Variants in CTNND2 observed in about 807,000 individuals in gnomAD.
CTNND2 encodes the protein catenin delta 2.
Under a neutral mutation model 144.4 loss-of-function variants are expected in CTNND2, and 22 were observed. The observed-to-expected ratio is 0.15, with a 90% confidence interval of 0.11 to 0.22. The LOEUF is 0.22. CTNND2 is among the 10% of genes least tolerant of loss of function. The pLI is 1.00. For synonymous variants in CTNND2, 751 were observed against 695.6 expected (o/e 1.08, Z -1.25); for missense variants, 1,353 against 1,618.8 (o/e 0.84, Z 2.82).
At chr5:11,448,351 T>G (rs1765009856) in intron 3 of CTNND2, among the ~76,000 whole-genome samples, 1 of 152,046 alleles carries the variant, frequency 6.6e-6, no homozygotes, top group South Asian at 2.1e-4. Flanking sequence ...AAAAATTCAG[T>G]AGCCAAAAAG....
intron 2 of CTNND2, among the ~76,000 whole-genome samples, chr5:11,637,055 A>G (rs1781744713): frequency 6.6e-6 from 1 of 152,244 alleles, no homozygotes; most frequent in South Asian, 2.1e-4. Flanking sequence ...CAGAATGGCA[A>G]TTATAATTTC....
At chr5:11,461,171 T>G (rs1467571829) in intron 3 of CTNND2, among the ~76,000 whole-genome samples, 1 of 152,144 alleles carries the variant, frequency 6.6e-6, no homozygotes, top group Non-Finnish European at 1.5e-5. Context: ...TGTTTTTTTT[T>G]AAACTGGTGA....
At chr5:11,123,455 G>A (rs1754345417) in intron 12 of CTNND2, among the ~76,000 whole-genome samples, 2 of 152,318 alleles carry the variant, frequency 1.3e-5, no homozygotes, top group South Asian at 4.1e-4. Context: ...AGGCAGCCAG[G>A]GCTGCTGCTA....
At chr5:11,256,937 C>G (rs1175992083) in intron 9 of CTNND2, among the ~76,000 whole-genome samples, 1 of 152,156 alleles carries the variant, frequency 6.6e-6, no homozygotes, top group East Asian at 1.9e-4. Flanking sequence ...ATGCTAATAG[C>G]ACCCTTTTCC....
intron 9 of CTNND2, among the ~76,000 whole-genome samples, chr5:11,258,568 T>A (rs1311393269): frequency 6.6e-6 from 1 of 152,232 alleles, no homozygotes; most frequent in Non-Finnish European, 1.5e-5. Flanking sequence ...AATGATCTAA[T>A]CTTGGTAAGT....
At chr5:11,786,364 T>A (rs549814515) in intron 1 of CTNND2, among the ~76,000 whole-genome samples, 1 of 152,350 alleles carries the variant, frequency 6.6e-6, no homozygotes, top group South Asian at 2.1e-4. Context: ...CTTTTTAAAG[T>A]GATGCAGTTT....
intron 16 of CTNND2, among the ~76,000 whole-genome samples, chr5:11,061,710 C>A (rs925196448): frequency 1.3e-5 from 2 of 149,190 alleles, no homozygotes; most frequent in African/African-American, 5.1e-5. Flanking sequence ...ATATTGTTTT[C>A]TTTCTCTTTT....
At chr5:11,578,083 A>G (rs532362737) in intron 2 of CTNND2, among the ~76,000 whole-genome samples, 1 of 151,722 alleles carries the variant, frequency 6.6e-6, no homozygotes, top group South Asian at 2.1e-4. Flanking sequence ...TTATGTTGAC[A>G]TTTTTTTTCA....
chr5:11,875,093 T>C (rs1481463520), intron 1 of CTNND2, among the ~76,000 whole-genome samples: 2 of 152,196 alleles, frequency 1.3e-5, no homozygotes, highest in Non-Finnish European at 2.9e-5. Context: ...AGTGGATAAC[T>C]TAAAAATAAT....
chr5:11,651,464 CCAGA>C (rs1782643440), intron 2 of CTNND2, among the ~76,000 whole-genome samples: 1 of 152,208 alleles, frequency 6.6e-6, no homozygotes, highest in South Asian at 2.1e-4. Flanking sequence ...GTTGGATCCC[CCAGA>C]CAGAGTCCCC....
chr5:11,005,479 AC>A (rs1209575943), intron 18 of CTNND2, among the ~76,000 whole-genome samples: 1 of 152,236 alleles, frequency 6.6e-6, no homozygotes, highest in East Asian at 1.9e-4. Context: ...GTAATATTGT[AC>A]CAGGACCAGG....
At chr5:11,552,697 C>A (rs139781288) in intron 3 of CTNND2, among the ~76,000 whole-genome samples, 1 of 152,182 alleles carries the variant, frequency 6.6e-6, no homozygotes, top group Non-Finnish European at 1.5e-5. Flanking sequence ...TGCTATACCC[C>A]CCTTCCTTTT....
intron 16 of CTNND2, among the ~76,000 whole-genome samples, chr5:11,081,072 TCA>T (rs55951127): frequency 0.1 from 14,616 of 144,890 alleles, 734 homozygotes; most frequent in African/African-American, 0.11. Context: ...TGAGACCCTG[TCA>T]CACACACACA....
intron 9 of CTNND2, among the ~76,000 whole-genome samples, chr5:11,303,218 G>T (rs528989474): frequency 1.3e-5 from 2 of 152,334 alleles, no homozygotes; most frequent in African/African-American, 4.8e-5. Flanking sequence ...TGGTGTTTGA[G>T]ATATAAATTC....
chr5:11,166,957 T>C (rs13356097), intron 11 of CTNND2, among the ~76,000 whole-genome samples: 3,380 of 152,316 alleles, frequency 0.022, 127 homozygotes, highest in African/African-American at 0.078. Flanking sequence ...CAAATGTTGC[T>C]GTAATAACAG....
rs566051484 is a variant in CTNND2, at chr5:11,591,860, A to C, written c.175-26804T>G. 2.0e-5 allele frequency among the ~76,000 whole-genome samples: 3 copies of C among 152,120 alleles called. 1 individual carries two copies. The South Asian group carries it at 6.2e-4, about 32-fold the overall frequency. On this transcript the variant is annotated intron_variant, in intron 2 of 21. Coordinates refer to ENST00000304623, the MANE Select transcript of CTNND2 (RefSeq NM_001332.4). Reference sequence around the variant, plus strand: ...ATTCCAGTTTATTACTTATTTTTGAATTATGGCAACCTTTTCTTGGCCTGA... The same window carrying C: ...ATTCCAGTTTATTACTTATTTTTGACTTATGGCAACCTTTTCTTGGCCTGA...
At chr5:11,698,429 A>G (rs1187874857) in intron 2 of CTNND2, among the ~76,000 whole-genome samples, 1 of 151,666 alleles carries the variant, frequency 6.6e-6, no homozygotes, top group East Asian at 1.9e-4. Context: ...GCTGGGATTA[A>G]AGGCATGCGC....
intron 11 of CTNND2, among the ~76,000 whole-genome samples, chr5:11,163,928 G>A (rs1334843339): frequency 1.3e-5 from 2 of 152,130 alleles, no homozygotes; most frequent in Non-Finnish European, 2.9e-5. Flanking sequence ...CCACACAGGG[G>A]CTTGAAAAAC....
intron 1 of CTNND2, among the ~76,000 whole-genome samples, chr5:11,793,793 A>G (rs1791259907): frequency 6.6e-6 from 1 of 152,242 alleles, no homozygotes; most frequent in East Asian, 1.9e-4. Context: ...GAAAACTCAT[A>G]GAGTGATCAG....
Sources: allele counts gnomAD v4.1 joint callset (sites outside exome capture counted in the v4.1 genomes callset), GRCh38; gene constraint gnomAD v4.1.1; transcripts MANE v1.5; gene names NCBI Gene and HGNC (gene_info 2026-07-23, HGNC 2026-07-21).